Variants in MOB3B observed in about 807,000 individuals in gnomAD.
MOB3B encodes the protein MOB kinase activator 3B, also known as MOB kinase activator-like 2B.
MOB3B carries 7 observed loss-of-function variants against 18.7 expected under a neutral mutation model. The observed-to-expected ratio is 0.37, with a 90% CI of 0.21 to 0.70. MOB3B has a LOEUF of 0.70. MOB3B is among the 30% of genes least tolerant of loss of function. MOB3B has a pLI of 0.52. For missense variants in MOB3B, 253 were observed against 281.3 expected, an observed-to-expected ratio of 0.90 and a Z score of 0.72; for synonymous variants, 111 against 99.9, an observed-to-expected ratio of 1.11 and a Z score of -0.66.
intron 2 of MOB3B, among the ~76,000 whole-genome samples, chr9:27,429,135 A>C (rs1157676278): frequency 2.6e-5 from 4 of 152,212 alleles, no homozygotes; most frequent in Non-Finnish European, 5.9e-5. Flanking sequence ...ATAAAGGGAA[A>C]GGCCCAGAGT....
chr9:27,490,206 T>G (rs1819795183), intron 1 of MOB3B, among the ~76,000 whole-genome samples: 1 of 152,172 alleles, frequency 6.6e-6, no homozygotes, highest in Admixed American at 6.5e-5. Flanking sequence ...CTAAGGCTCA[T>G]GCCTTCAGTG....
intron 2 of MOB3B, among the ~76,000 whole-genome samples, chr9:27,422,865 C>A (rs183032292): frequency 5.8e-4 from 88 of 152,230 alleles, no homozygotes; most frequent in Non-Finnish European, 1.0e-3. Flanking sequence ...AATTAGTTTT[C>A]TATGTCCTGA....
intron 1 of MOB3B, among the ~76,000 whole-genome samples, chr9:27,481,613 C>T (rs1819657464): frequency 6.7e-6 from 1 of 150,176 alleles, no homozygotes; most frequent in South Asian, 2.1e-4. Flanking sequence ...GCAAGCTCCG[C>T]CTCCCAGGTT....
chr9:27,515,131 T>C (rs1563887837), intron 1 of MOB3B, among the ~76,000 whole-genome samples: 1 of 152,230 alleles, frequency 6.6e-6, no homozygotes, highest in African/African-American at 2.4e-5. Context: ...ACTATCGACA[T>C]TGGACATTAT....
chr9:27,465,367 T>C (rs947860193), intron 1 of MOB3B, among the ~76,000 whole-genome samples: 2 of 152,192 alleles, frequency 1.3e-5, no homozygotes, highest in African/African-American at 4.8e-5. Flanking sequence ...CTGCAAGAAG[T>C]GGGTTCCCAT....
At chr9:27,475,654 A>G (rs7855032) in intron 1 of MOB3B, among the ~76,000 whole-genome samples, 1 of 152,212 alleles carries the variant, frequency 6.6e-6, no homozygotes, top group East Asian at 1.9e-4. Flanking sequence ...ACTTTTAAAA[A>G]ATGGCAGATA....
At chr9:27,448,526 T>G (rs1320787652) in intron 2 of MOB3B, among the ~76,000 whole-genome samples, 2 of 152,126 alleles carry the variant, frequency 1.3e-5, no homozygotes, top group Non-Finnish European at 2.9e-5. Flanking sequence ...CATCAGATCT[T>G]GTGAGACTTA....
chr9:27,518,999 C>A (rs1269227869), intron 1 of MOB3B, among the ~76,000 whole-genome samples: 1 of 152,158 alleles, frequency 6.6e-6, no homozygotes, highest in Admixed American at 6.5e-5. Flanking sequence ...AGTAGAGGTA[C>A]GAAAGTGCTC....
chr9:27,359,381 G>GGC (rs1554645308), intron 2 of MOB3B, 145 bp from the exon 3 acceptor site: 4 of 560,036 alleles, frequency 7.1e-6, no homozygotes, highest in Non-Finnish European at 9.2e-6. Flanking sequence ...GTGTGTGTGG[G>GGC]GGGGGGGGGT....
chr9:27,463,829 G>T (rs186688080), intron 1 of MOB3B, among the ~76,000 whole-genome samples: 1 of 151,914 alleles, frequency 6.6e-6, no homozygotes, highest in Admixed American at 6.6e-5. Context: ...AGTGGGACAC[G>T]CCTGTAGTCC....
intron 1 of MOB3B, among the ~76,000 whole-genome samples, chr9:27,519,754 T>C: frequency 6.6e-6 from 1 of 152,158 alleles, no homozygotes; most frequent in East Asian, 1.9e-4. Context: ...ATTCCCTGAA[T>C]AGTCATTATC....
intron 1 of MOB3B, among the ~76,000 whole-genome samples, chr9:27,520,777 A>C (rs1033351676): frequency 2.6e-5 from 4 of 152,216 alleles, no homozygotes; most frequent in Admixed American, 6.5e-5. Context: ...GGCTCTCTGC[A>C]GGGGATGTCA....
chr9:27,517,720 T>C (rs1820259651), intron 1 of MOB3B, among the ~76,000 whole-genome samples: 3 of 145,834 alleles, frequency 2.1e-5, no homozygotes, highest in Non-Finnish European at 4.5e-5. Context: ...GATTAAAATA[T>C]ACTCATAAGA....
At chr9:27,513,755 C>T (rs1316185708) in intron 1 of MOB3B, among the ~76,000 whole-genome samples, 4 of 152,142 alleles carry the variant, frequency 2.6e-5, no homozygotes, top group Non-Finnish European at 4.4e-5. Flanking sequence ...CTTCATAGCA[C>T]TTATAAAGCC....
chr9:27,460,199 C>T (rs1456422854), intron 1 of MOB3B, among the ~76,000 whole-genome samples: 1 of 152,122 alleles, frequency 6.6e-6, no homozygotes, highest in East Asian at 1.9e-4. Flanking sequence ...TGATGTGACT[C>T]CTTCAGAGTA....
chr9:27,507,545 C>A (rs1402660952), intron 1 of MOB3B, among the ~76,000 whole-genome samples: 1 of 152,184 alleles, frequency 6.6e-6, no homozygotes, highest in Non-Finnish European at 1.5e-5. Flanking sequence ...ATTTCCAGGT[C>A]TCAGTTGATT....
chr9:27,492,954 T>G (rs1819842949), intron 1 of MOB3B, among the ~76,000 whole-genome samples: 1 of 152,172 alleles, frequency 6.6e-6, no homozygotes, highest in Non-Finnish European at 1.5e-5. Flanking sequence ...GGATAAGTAT[T>G]CCTATCTTAC....
At chr9:27,332,773 C>T (rs1286081345) in intron 3 of MOB3B, among the ~76,000 whole-genome samples, 3 of 152,180 alleles carry the variant, frequency 2.0e-5, no homozygotes, top group Admixed American at 6.5e-5. Context: ...TGAGGAAAAA[C>T]CCTCAGGGAA....
At chr9:27,435,047 TTCTCTC>T (rs60408942) in intron 2 of MOB3B, among the ~76,000 whole-genome samples, 10,710 of 145,866 alleles carry the variant, frequency 0.073, 973 homozygotes, top group African/African-American at 0.22. Context: ...TGTAAGGTGT[TTCTCTC>T]TCTCTCTCTC....
Sources: allele counts gnomAD v4.1 joint callset (sites outside exome capture counted in the v4.1 genomes callset), GRCh38; gene constraint gnomAD v4.1.1; transcripts MANE v1.5; gene names NCBI Gene and HGNC (gene_info 2026-07-23, HGNC 2026-07-21).